The following SLC14A2 variants were observed in gnomAD, a reference collection of about 807,000 sequenced individuals.
SLC14A2 encodes solute carrier family 14 member 2, also known as urea transporter 2.
A neutral mutation model predicts 104.6 loss-of-function variants in SLC14A2; 91 were observed. The observed-to-expected ratio is 0.87, with a 90% CI of 0.73 to 1.04. The LOEUF is 1.04. Among genes scored for constraint, SLC14A2 ranks in the 50% least tolerant of loss-of-function variants. The pLI is 0.00. For synonymous variants in SLC14A2, 476 were observed against 466.4 expected (o/e 1.02, Z -0.27); for missense variants, 1,189 against 1,156.0 (o/e 1.03, Z -0.41).
At chr18:45,377,032 C>T (rs577968988) in intron 1 of SLC14A2, among the ~76,000 whole-genome samples, 2 of 152,182 alleles carry the variant, frequency 1.3e-5, no homozygotes, top group Non-Finnish European at 2.9e-5. Context: ...TACATCACTG[C>T]CCCCATGCCT....
chr18:45,509,557 G>T (rs947042787), intron 2 of SLC14A2, among the ~76,000 whole-genome samples: 26 of 152,174 alleles, frequency 1.7e-4, no homozygotes, highest in South Asian at 2.1e-4. Flanking sequence ...GCCCAGATAT[G>T]GTTGTGACAG....
chr18:45,319,642 C>A (rs914541629), intron 1 of SLC14A2, among the ~76,000 whole-genome samples: 1 of 152,148 alleles, frequency 6.6e-6, no homozygotes, highest in Non-Finnish European at 1.5e-5. Flanking sequence ...TTCTGAAGAC[C>A]AATTAGGTTA....
chr18:45,667,223 T>C, intron 13 of SLC14A2, 129 bp downstream of exon 13: 1 of 673,270 alleles, frequency 1.5e-6, no homozygotes, highest in Non-Finnish European at 2.5e-6. Context: ...GTTACTGTGG[T>C]CTTTCCTGGA....
the SLC14A2 span, among the ~76,000 whole-genome samples, chr18:45,195,707 A>T: frequency 6.6e-6 from 1 of 152,274 alleles, no homozygotes; most frequent in Admixed American, 6.5e-5. Context: ...AGAAATTCTT[A>T]TCTGGCATGC....
chr18:45,577,493 C>G (rs1254590291), intron 2 of SLC14A2, among the ~76,000 whole-genome samples: 1 of 152,174 alleles, frequency 6.6e-6, no homozygotes, highest in Non-Finnish European at 1.5e-5. Flanking sequence ...AACCAGCAAT[C>G]TTTCATAATA....
chr18:45,377,634 C>A (rs181623018), intron 1 of SLC14A2, among the ~76,000 whole-genome samples: 1 of 152,142 alleles, frequency 6.6e-6, no homozygotes, highest in Non-Finnish European at 1.5e-5. Context: ...CAGATTCATC[C>A]CCTTCTTTCC....
At chr18:45,310,068 T>G (rs1442915241) in intron 1 of SLC14A2, among the ~76,000 whole-genome samples, 1 of 152,206 alleles carries the variant, frequency 6.6e-6, no homozygotes, top group Non-Finnish European at 1.5e-5. Context: ...ATGGCCTATG[T>G]TATTCCTGTC....
chr18:45,551,169 T>C lies in SLC14A2; in HGVS notation c.-35+67847T>C, dbSNP rs149651122. ...AGTTCTGCTACAGGCAGGAAAGACA[T>C]GAAGAAATACCTTCCTTTGCACCAA... On this transcript the variant is annotated intron_variant, in intron 2 of 20. Transcript: ENST00000586448. 1.8e-3 allele frequency among the ~76,000 whole-genome samples: 271 copies of C among 152,258 alleles called. 1 individual carries two copies. Among genetic ancestry groups the C allele is most frequent in the African/African-American group, 6.2e-3 (256 of 41,534 alleles).
At chr18:45,413,048 T>C (rs1598773729) in intron 1 of SLC14A2, among the ~76,000 whole-genome samples, 1 of 152,306 alleles carries the variant, frequency 6.6e-6, no homozygotes, top group South Asian at 2.1e-4. Context: ...CTGTTGTTTT[T>C]CTGAAATGCT....
At chr18:45,478,846 TC>T (rs1271065861) in intron 1 of SLC14A2, among the ~76,000 whole-genome samples, 2 of 152,214 alleles carry the variant, frequency 1.3e-5, no homozygotes, top group Non-Finnish European at 2.9e-5. Context: ...TAACCTGCCT[TC>T]CCAACAGACA....
intron 2 of SLC14A2, among the ~76,000 whole-genome samples, chr18:45,576,318 C>CT (rs1384189947): frequency 7.7e-6 from 1 of 129,856 alleles, no homozygotes; most frequent in Non-Finnish European, 1.6e-5. Context: ...CTCACTCACT[C>CT]TGTCGCCCAG....
rs79073634 is a variant in SLC14A2 at position 45,519,498 on chromosome 18, C to T, written c.-35+36176C>T. Among the ~76,000 whole-genome samples the T allele has an allele frequency of 9.7e-3, 1,475 of 152,298 alleles. 20 individuals carry two copies. The highest frequency in any genetic ancestry group is 0.034 in the African/African-American group (1,406 of 41,540). ...CCACTTCAGCACCCCCATGCCCATG[C>T]GTGAGCATGAGCACACACACATACA... is the stretch of plus-strand genomic sequence containing the variant. On this transcript the variant is annotated intron_variant, in intron 2 of 20. Transcript: ENST00000586448.
At chr18:45,228,572 G>A (rs1277162523) in intron 1 of SLC14A2, among the ~76,000 whole-genome samples, 2 of 152,094 alleles carry the variant, frequency 1.3e-5, no homozygotes, top group Non-Finnish European at 1.5e-5. Context: ...CCTCTTTATA[G>A]GAGATTTCTT....
upstream of SLC14A2, among the ~76,000 whole-genome samples, chr18:45,209,039 A>C (rs1371880528): frequency 2.3e-4 from 35 of 150,102 alleles, no homozygotes; most frequent in African/African-American, 4.7e-4. Context: ...AAAAAAAAAA[A>C]AACAACAACA....
intron 1 of SLC14A2, among the ~76,000 whole-genome samples, chr18:45,369,551 T>A (rs541716225): frequency 1.5e-3 from 229 of 152,330 alleles, no homozygotes; most frequent in Middle Eastern, 3.4e-3. Context: ...GAGGATAAAC[T>A]AAGATTCATT....
At chr18:45,182,777 A>C in the SLC14A2 span, among the ~76,000 whole-genome samples, 1 of 152,214 alleles carries the variant, frequency 6.6e-6, no homozygotes, top group Non-Finnish European at 1.5e-5. Flanking sequence ...AAAAGCATGA[A>C]ATATGACTTA....
intron 1 of SLC14A2, among the ~76,000 whole-genome samples, chr18:45,309,333 CTT>C (rs34479081): frequency 1.4e-5 from 2 of 144,694 alleles, no homozygotes; most frequent in East Asian, 2.0e-4. Flanking sequence ...CTCAGAAGCA[CTT>C]TTTTTTTTTT....
intron 1 of SLC14A2, among the ~76,000 whole-genome samples, chr18:45,448,769 A>T (rs187800802): frequency 6.6e-6 from 1 of 152,334 alleles, no homozygotes; most frequent in East Asian, 1.9e-4. Context: ...ACTCCACTCC[A>T]TGAAGAGACT....
chr18:45,272,567 C>T (rs2084661534), intron 1 of SLC14A2, among the ~76,000 whole-genome samples: 23 of 151,720 alleles, frequency 1.5e-4, no homozygotes, highest in Admixed American at 1.4e-3. Context: ...CTTCTAGTTT[C>T]GTGGACATAG....
Sources: gnomAD v4.1 joint callset for allele counts (sites outside exome capture counted in the v4.1 genomes callset) on GRCh38, gnomAD v4.1.1 for gene constraint, MANE v1.5 for transcripts, NCBI Gene and HGNC (gene_info 2026-07-23, HGNC 2026-07-21) for gene names.